Variants in MAST2 observed in about 807,000 individuals in gnomAD.
MAST2 encodes microtubule-associated serine/threonine-protein kinase 2.
A neutral mutation model predicts 147.4 loss-of-function variants in MAST2; 70 were observed. The observed-to-expected ratio is 0.47, with a 90% CI of 0.39 to 0.58. MAST2 has a LOEUF of 0.58. Among genes scored for constraint, MAST2 ranks in the 20% least tolerant of loss-of-function variants. The pLI, the probability that MAST2 is intolerant of heterozygous loss-of-function variation, is 0.00. For missense variants in MAST2, 2,080 were observed against 2,302.3 expected, an observed-to-expected ratio of 0.90 and a Z score of 1.98; for synonymous variants, 869 against 896.8, an observed-to-expected ratio of 0.97 and a Z score of 0.55.
At position 45,867,770 on chromosome 1, in the gene MAST2, A is replaced by T. The variant is rs552789265; in HGVS notation, c.469-14594A>T. The stretch of plus-strand genomic sequence containing the variant: ...ACAAGTAGGTGTATGGCCAGGCTAG[A>T]TGTATAGGTTAGGGTACTCTGAACT... On this transcript the variant is annotated intron_variant, in intron 3 of 28. Transcript: ENST00000361297. 3.9e-5 allele frequency among the ~76,000 whole-genome samples: 6 copies of T among 152,202 alleles called. No homozygotes were observed. The South Asian group carries it at 8.3e-4, about 21-fold the overall frequency.
intron 3 of MAST2, among the ~76,000 whole-genome samples, chr1:45,880,760 C>G (rs1033051825): frequency 4.6e-5 from 7 of 151,874 alleles, no homozygotes; most frequent in African/African-American, 1.7e-4. Flanking sequence ...GTGGGAGGAT[C>G]ACTTGAGGTC....
intron 5 of MAST2, among the ~76,000 whole-genome samples, chr1:45,963,337 C>G (rs1660710081): frequency 6.6e-6 from 1 of 152,216 alleles, no homozygotes. Flanking sequence ...GGCATTGAAT[C>G]TATAAATTAC....
At chr1:45,993,351 T>C (rs1394930791) in intron 5 of MAST2, among the ~76,000 whole-genome samples, 2 of 152,120 alleles carry the variant, frequency 1.3e-5, no homozygotes, top group Admixed American at 1.3e-4. Context: ...GTTTTTTTGT[T>C]TGAAAAAGTA....
chr1:46,028,660 CTTCA>C lies in MAST2; in HGVS notation c.2053-103_2053-100del, dbSNP rs573370232. ...GTTCATTAACTAAGGTGGGCTGAGTCTTCATTCAGAGATTCTTCTGCTCGAGATG... is the reference window on the plus strand; with the variant it reads ...GTTCATTAACTAAGGTGGGCTGAGTCTTCAGAGATTCTTCTGCTCGAGATG... On this transcript the variant is annotated intron_variant, in intron 17 of 28. Transcript: ENST00000361297. 5.2e-4 allele frequency: 612 copies of C among 1,182,050 alleles called. 4 individuals are homozygous for C. The African/African-American group carries it at 7.9e-3, about 15-fold the overall frequency. 73.2% of individuals were successfully genotyped at this position (1,182,050 alleles called of 1,614,324 possible).
At chr1:46,006,638 C>A in intron 8 of MAST2, 2 of 297,042 alleles carry the variant, frequency 6.7e-6, no homozygotes, top group South Asian at 1.3e-4. Context: ...AGTCTGCAGG[C>A]TGTAATTTGC....
chr1:45,987,789 T>TG (rs1644704967), intron 5 of MAST2, among the ~76,000 whole-genome samples: 1 of 142,898 alleles, frequency 7.0e-6, no homozygotes, highest in African/African-American at 2.6e-5. Flanking sequence ...TTTTTTTTTT[T>TG]TTTTTTTTTT....
chr1:45,910,849 G>A (rs1311176604), intron 4 of MAST2, among the ~76,000 whole-genome samples: 3 of 152,144 alleles, frequency 2.0e-5, no homozygotes, highest in African/African-American at 2.4e-5. Flanking sequence ...CATAAATGGC[G>A]TTCTGATATA....
At chr1:45,863,301 A>G (rs774348389) in intron 3 of MAST2, among the ~76,000 whole-genome samples, 13 of 152,154 alleles carry the variant, frequency 8.5e-5, no homozygotes, top group Admixed American at 1.3e-4. Flanking sequence ...AAGGCCTATG[A>G]CTTTGCAGAC....
chr1:45,917,690 C>T (rs1055953777), intron 4 of MAST2, among the ~76,000 whole-genome samples: 1 of 152,112 alleles, frequency 6.6e-6, no homozygotes, highest in Non-Finnish European at 1.5e-5. Context: ...CTGTTGTATT[C>T]AAAATGTCAG....
At chr1:45,970,731 T>C (rs1643883625) in intron 5 of MAST2, among the ~76,000 whole-genome samples, 1 of 149,684 alleles carries the variant, frequency 6.7e-6, no homozygotes, top group African/African-American at 2.4e-5. Context: ...GTGTCTGCTG[T>C]CTGTCTGTCC....
intron 1 of MAST2, among the ~76,000 whole-genome samples, chr1:45,811,705 C>T (rs897660484): frequency 1.4e-5 from 2 of 147,894 alleles, no homozygotes; most frequent in Non-Finnish European, 3.0e-5. Context: ...CTGATCTTGG[C>T]TCACTGCAAG....
chr1:46,035,078 T>C lies in MAST2; in HGVS notation c.4409T>C (p.Leu1470Pro). 1.2e-6 allele frequency: 2 copies of C among 1,613,612 alleles called. No homozygotes were observed. Among genetic ancestry groups the C allele is most frequent in the Non-Finnish European group, 8.5e-7 (1 of 1,179,942 alleles). ...GGGGCCCTGCCAGGGAAGGGGGTGCTGCAGCCTGCTCCCTCACGGGCCCTA... is the reference window on the plus strand; with the variant it reads ...GGGGCCCTGCCAGGGAAGGGGGTGCCGCAGCCTGCTCCCTCACGGGCCCTA... ...GKGALPGKGV[L>P]QPAPSRALGT... Residue 1470 changes from leucine (L) to proline (P), a missense_variant, in exon 29 of 29, where the codon CTG becomes CCG. Coordinates refer to ENST00000361297, the MANE Select transcript of MAST2 (RefSeq NM_015112.3). The surrounding 1 kb of genome is among the most constrained non-coding windows in gnomAD (Gnocchi z 5.5).
At chr1:45,830,363 TG>T (rs1206089542) in intron 3 of MAST2, among the ~76,000 whole-genome samples, 1 of 151,752 alleles carries the variant, frequency 6.6e-6, no homozygotes, top group Non-Finnish European at 1.5e-5. Flanking sequence ...TTAGTAGAGA[TG>T]GGGTTTCACC....
intron 4 of MAST2, among the ~76,000 whole-genome samples, chr1:45,900,173 C>CAAAAAAAAAAAAAAAAAAAAAAA: frequency 1.8e-5 from 1 of 54,096 alleles, no homozygotes; most frequent in African/African-American, 8.8e-5. Context: ...CTCTCTCTCT[C>CAAAAAAAAAAAAAAAAAAAAAAA]AAAAAAAAAA....
intron 10 of MAST2, 69 bp from the exon 11 acceptor site, chr1:46,019,527 C>A: frequency 8.0e-7 from 1 of 1,248,448 alleles, no homozygotes; most frequent in Non-Finnish European, 1.2e-6. Flanking sequence ...GTCAGCTCTG[C>A]CCTGTCTGGT....
At chr1:45,845,065 C>T (rs1645388571) in intron 3 of MAST2, among the ~76,000 whole-genome samples, 1 of 152,140 alleles carries the variant, frequency 6.6e-6, no homozygotes, top group South Asian at 2.1e-4. Flanking sequence ...CCAAATCTCC[C>T]ACCACTGTTG....
intron 4 of MAST2, among the ~76,000 whole-genome samples, chr1:45,892,351 T>C (rs1647949780): frequency 6.6e-6 from 1 of 152,158 alleles, no homozygotes; most frequent in African/African-American, 2.4e-5. Context: ...TTGTTAAGAG[T>C]TATAGATAGC....
intron 4 of MAST2, among the ~76,000 whole-genome samples, chr1:45,938,732 T>G (rs1266049918): frequency 6.6e-6 from 1 of 152,242 alleles, no homozygotes; most frequent in Non-Finnish European, 1.5e-5. Flanking sequence ...CTAATTACTC[T>G]CTCTTCTTGA....
chr1:45,917,614 T>C, intron 4 of MAST2: 3 of 996,190 alleles, frequency 3.0e-6, no homozygotes, highest in Non-Finnish European at 4.2e-6. Flanking sequence ...TCCTTAATAA[T>C]GGGGAGAAAT....
Sources: allele counts gnomAD v4.1 joint callset (sites outside exome capture counted in the v4.1 genomes callset), GRCh38; gene constraint gnomAD v4.1.1; non-coding constraint Gnocchi (gnomAD v3.1); transcripts MANE v1.5; gene names NCBI Gene and HGNC (gene_info 2026-07-23, HGNC 2026-07-21).